ROGDI: variants seen among roughly 807,000 people sequenced by gnomAD.
The protein encoded by ROGDI is protein rogdi homolog.
Under a neutral mutation model 43.1 loss-of-function variants are expected in ROGDI, and 46 were observed. That is an observed-to-expected ratio of 1.07 (90% CI 0.84 to 1.37). The LOEUF is 1.37. Among genes scored for constraint, ROGDI ranks in the 40% most tolerant of loss-of-function variants. The probability of loss-of-function intolerance (pLI) is 0.00; values close to 1 mark genes in which losing one functional copy is unlikely to be tolerated. For missense variants in ROGDI, 518 were observed against 383.9 expected (o/e 1.35, Z -2.92); for synonymous variants, 243 against 162.0 (o/e 1.50, Z -3.80).
chr16:4,801,559 C>G lies in ROGDI; in HGVS notation c.144G>C (p.Pro48=), dbSNP rs770372763. 6.2e-7 allele frequency: 1 copy of G among 1,605,350 alleles called. No individual in the cohort carries two copies. The highest frequency in any genetic ancestry group is 1.1e-5 in the South Asian group (1 of 89,380). ...LKEASLRFTL[P]GSGTEGPAKQ... The stretch of plus-strand genomic sequence containing the variant: ...TGGCGGGCCCCTCAGTGCCGGAGCC[C>G]GGCAGAGTGAAGCGCAGAGAGGCCT... Residue 48 remains proline, a synonymous_variant, in exon 3 of 11, where the codon CCG becomes CCC. Coordinates refer to ENST00000322048, the MANE Select transcript of ROGDI (RefSeq NM_024589.3).
chr16:4,798,428 G>C (rs1296109094), intron 7 of ROGDI, 141 bp downstream of exon 7: 1 of 759,028 alleles, frequency 1.3e-6, no homozygotes, highest in Non-Finnish European at 2.1e-6. Flanking sequence ...CGGAAGCCAA[G>C]GACCCCATCC....
At chr16:4,802,491 GC>G in intron 1 of ROGDI, 35 bp downstream of exon 1, 2 of 1,209,700 alleles carry the variant, frequency 1.7e-6, no homozygotes, top group Non-Finnish European at 1.0e-6. Context: ...CGGCCCCGCC[GC>G]CCCGCCGGCC....
chr16:4,802,446 T>A lies in ROGDI; in HGVS notation c.53A>T (p.Glu18Val). ...TAAERAVLEE[E>V]FRWLLHDEVH... ...CTCGTCGTGCAGCAGCCAGCGGAAC[T>A]CCTCCTCCTGCGGGACAGACCCGGC... The change falls in exon 2 of 11, where the codon GAG becomes GTG. Residue 18 changes from glutamate to valine, a missense_variant. Physicochemically the swap from Glu to Val is moderately radical, Grantham distance 121 (BLOSUM62 -2). Transcript: ENST00000322048. 4 of 1,426,468 alleles carry A rather than the reference T, an allele frequency of 2.8e-6. No homozygotes were observed. Among genetic ancestry groups the A allele is most frequent in the Non-Finnish European group, 3.7e-6 (4 of 1,093,776 alleles). 88.4% of individuals were successfully genotyped at this position (1,426,468 alleles called of 1,614,324 possible).
intron 5 of ROGDI, 66 bp downstream of exon 5, chr16:4,800,432 G>A (rs1442569714): frequency 7.6e-7 from 1 of 1,309,082 alleles, no homozygotes; most frequent in Non-Finnish European, 1.1e-6. Context: ...CTCCAGGGAG[G>A]CCCCGCGGCA....
intron 2 of ROGDI, 181 bp downstream of exon 2, chr16:4,802,201 C>A: frequency 1.5e-6 from 1 of 671,792 alleles, no homozygotes; most frequent in Non-Finnish European, 2.7e-6. Flanking sequence ...CCCGCCCCTG[C>A]CCGCACACAG....
At chr16:4,801,154 C>T in intron 4 of ROGDI, 113 bp downstream of exon 4, 1 of 825,622 alleles carries the variant, frequency 1.2e-6, no homozygotes, top group Non-Finnish European at 1.9e-6. Flanking sequence ...AAACTGAGGC[C>T]AGAGAGATCA....
chr16:4,797,317 G>A lies in ROGDI; in HGVS notation c.*143C>T, dbSNP rs1014820058. On this transcript the variant is annotated 3_prime_UTR_variant, in exon 11 of 11. Transcript: ENST00000322048. ...CCTGGCACTTCCAGTGTCCATTCCC[G>A]GCAGTGCAAATGTGTTAGGTGGGGT... The A allele has an allele frequency of 4.0e-5, 29 of 725,544 alleles. No individual in the cohort carries two copies. Among genetic ancestry groups the A allele is most frequent in the African/African-American group, 1.4e-4 (8 of 56,294 alleles). 44.9% of individuals were successfully genotyped at this position (725,544 alleles called of 1,614,324 possible).
chr16:4,798,572 G>T lies in ROGDI; in HGVS notation c.528C>A (p.Leu176=). 6.4e-7 allele frequency: 1 copy of T among 1,555,330 alleles called. No homozygotes were observed. The highest frequency in any genetic ancestry group is 8.7e-7 in the Non-Finnish European group (1 of 1,155,976). The change falls in exon 7 of 11, where the codon CTC becomes CTA. Residue 176 remains leucine (L), a synonymous_variant. Coordinates refer to ENST00000322048, the MANE Select transcript of ROGDI (RefSeq NM_024589.3). ...LTLPEIAASG[L]TRMFAPALPS... ...AGGGGCTGGCAGGGGCACTGACCGT[G>T]AGGCCGCTGGCGGCGATCTCGGGGA...
In ROGDI at chr16:4,802,364, C is replaced by A; in HGVS notation, c.117+18G>T. The A allele has an allele frequency of 1.3e-6, 2 of 1,559,904 alleles. No homozygotes were observed. Among genetic ancestry groups the A allele is most frequent in the Admixed American group, 3.9e-5 (2 of 51,790 alleles). ...GGGAGGGCCGCCACGCCCGGCGGGG[C>A]AGGGCGCGGGTCGTTACCTTGAGGA... On this transcript the variant is annotated intron_variant, in intron 2 of 10. Transcript: ENST00000322048.
chr16:4,799,409 A>C (rs1338419080), intron 6 of ROGDI, among the ~76,000 whole-genome samples: 1 of 152,100 alleles, frequency 6.6e-6, no homozygotes, highest in Non-Finnish European at 1.5e-5. Context: ...TCAGCTCTTC[A>C]CATGTGCCAC....
rs1317312771 is a variant in ROGDI, at chr16:4,797,968, C to T, written c.665G>A (p.Gly222Asp). Residue 222 changes from glycine to aspartate, a missense_variant, in exon 9 of 11, where the codon GGC (glycine) becomes GAC (aspartate). By Grantham distance (94) the Gly-to-Asp change is moderately conservative (BLOSUM62 -1). Transcript: ENST00000322048. ...GGCCCCAGGGCTATGCAGCACCGCG[C>T]CCCCAGCTGGGCGGAAGTTCTAGGG... Reference protein sequence around the residue: ...NSTKNFRPAGGAVLHSPGAMF... With the variant: ...NSTKNFRPAGDAVLHSPGAMF... 5.0e-6 allele frequency: 8 copies of T among 1,606,448 alleles called. No individual in the cohort carries two copies. Among genetic ancestry groups the T allele is most frequent in the African/African-American group, 1.3e-5 (1 of 74,806 alleles).
In ROGDI at chr16:4,797,174, C is replaced by T. The variant is rs1567595364; in HGVS notation, c.*286G>A. On this transcript the variant is annotated 3_prime_UTR_variant, in exon 11 of 11. Transcript: ENST00000322048. Reference sequence around the variant, plus strand: ...AGAGGAGGGAGAGCCCTGCGCCTGGCCCTGTCCTGAGTCCAAAGATTCCCA... The same window carrying T: ...AGAGGAGGGAGAGCCCTGCGCCTGGTCCTGTCCTGAGTCCAAAGATTCCCA... 9 of 402,412 alleles carry T rather than the reference C, an allele frequency of 2.2e-5. No homozygotes were observed. The highest frequency in any genetic ancestry group is 4.6e-6 in the Non-Finnish European group (1 of 218,992). The allele number at this position is 402,412 out of a possible 1,614,324, so 24.9% of individuals were successfully genotyped here.
intron 2 of ROGDI, 32 bp downstream of exon 2, chr16:4,802,350 C>A: frequency 6.5e-7 from 1 of 1,540,994 alleles, no homozygotes; most frequent in Non-Finnish European, 8.7e-7. Context: ...GGAGGGCCGC[C>A]ACGCCCGGCG....
intron 7 of ROGDI, 154 bp downstream of exon 7, chr16:4,798,415 G>C (rs1368671151): frequency 1.4e-6 from 1 of 719,576 alleles, no homozygotes; most frequent in African/African-American, 1.8e-5. Flanking sequence ...TAGGGGCACA[G>C]GACGGAAGCC....
Position 4,800,489 on chromosome 16 carries a change from C to T in ROGDI, c.336+9G>A, listed in dbSNP as rs576947082. The T allele has an allele frequency of 3.2e-6, 5 of 1,552,042 alleles. No individual in the cohort carries two copies. The highest frequency in any genetic ancestry group is 2.4e-5 in the East Asian group (1 of 41,148). ...GTGGCTGAGCACTAGCCAGGAGGGG[C>T]GGGGTCACCTGCTGCAGCTTCCACT... On this transcript the variant is annotated intron_variant, in intron 5 of 10. Transcript: ENST00000322048.
chr16:4,800,039 G>A (rs558735097), intron 5 of ROGDI, among the ~76,000 whole-genome samples: 2 of 152,290 alleles, frequency 1.3e-5, no homozygotes, highest in Admixed American at 6.5e-5. Flanking sequence ...TGCGAGTTGC[G>A]GAGGGAAGCA....
At position 4,801,536 on chromosome 16, in the gene ROGDI, G is replaced by A. The variant is rs753335408; in HGVS notation, c.167C>T (p.Ala56Val). The A allele has an allele frequency of 6.8e-6, 11 of 1,607,038 alleles. No homozygotes were observed. Among genetic ancestry groups the A allele is most frequent in the Non-Finnish European group, 3.4e-6 (4 of 1,177,092 alleles). ...GCCTAGGATGAAGTTCTCTTGCTTG[G>A]CGGGCCCCTCAGTGCCGGAGCCCGG... The part of the protein sequence containing the change: ...TLPGSGTEGP[A>V]KQENFILGSC... Residue 56 changes from alanine (A) to valine (V), a missense_variant, in exon 3 of 11, where the codon GCC (alanine) becomes GTC (valine). Coordinates refer to ENST00000322048, the MANE Select transcript of ROGDI (RefSeq NM_024589.3).
intron 6 of ROGDI, 78 bp downstream of exon 6, chr16:4,799,608 C>A: frequency 9.0e-7 from 1 of 1,105,666 alleles, no homozygotes; most frequent in Non-Finnish European, 1.3e-6. Context: ...CGTGGAGGCC[C>A]TGGGATTGGA....
intron 4 of ROGDI, chr16:4,800,805 A>G (rs1355641716): frequency 3.5e-6 from 2 of 575,432 alleles, no homozygotes; most frequent in Non-Finnish European, 3.1e-6. Context: ...AAATGGAAAG[A>G]GGTGAAGAAA....
Sources: allele counts gnomAD v4.1 joint callset (sites outside exome capture counted in the v4.1 genomes callset), GRCh38; gene constraint gnomAD v4.1.1; transcripts MANE v1.5; gene names NCBI Gene and HGNC (gene_info 2026-07-23, HGNC 2026-07-21).